The following AKAP8 variants were observed in gnomAD, a reference collection of about 807,000 sequenced individuals.
AKAP8 encodes the protein A-kinase anchor protein 8.
In AKAP8, 24 loss-of-function variants were observed where a neutral mutation model predicts 67.5. The ratio of observed to expected loss-of-function variants is 0.36; its 90% CI spans 0.26 to 0.50. The LOEUF (loss-of-function observed/expected upper bound fraction) is 0.50, where lower values mean the gene tolerates loss of function less well. Ranked by LOEUF, AKAP8 falls within the 20% of genes least tolerant of loss-of-function variation. AKAP8 has a pLI of 0.97. For missense variants in AKAP8, 971 were observed against 955.9 expected (o/e 1.02, Z -0.21); for synonymous variants, 400 against 371.1 (o/e 1.08, Z -0.90).
In AKAP8 at chr19:15,369,856, T is replaced by C. The variant is rs1252824687; in HGVS notation, c.1072+290A>G. ...GGGGCCTCTTCTCTCATGTTTCTCC[T>C]TCCCTACAAACTTCGACTGTGGTGG... On this transcript the variant is annotated intron_variant, in intron 8 of 13. Coordinates refer to ENST00000269701, the MANE Select transcript of AKAP8 (RefSeq NM_005858.4). This position sits in a 1 kb window ranked among gnomAD's most constrained non-coding sequence, Gnocchi z 4.6. 6.6e-6 allele frequency among the ~76,000 whole-genome samples: 1 copy of C among 152,214 alleles called. No individual in the cohort carries two copies. The highest frequency in any genetic ancestry group is 1.9e-4 in the East Asian group (1 of 5,202).
intron 13 of AKAP8, 104 bp from the exon 14 acceptor site, chr19:15,355,474 C>T: frequency 9.2e-7 from 1 of 1,091,442 alleles, no homozygotes; most frequent in Non-Finnish European, 1.3e-6. Context: ...ACAAGGGAAA[C>T]ACTTCTGTAA....
intron 10 of AKAP8, 40 bp from the exon 11 acceptor site, chr19:15,361,862 T>G (rs1052398147): frequency 1.3e-6 from 2 of 1,555,622 alleles, no homozygotes; most frequent in Admixed American, 1.7e-5. Context: ...AAATGAGAGG[T>G]GGGCGCATGT....
chr19:15,362,726 C>T (rs62113857), intron 9 of AKAP8, among the ~76,000 whole-genome samples: 10 of 150,998 alleles, frequency 6.6e-5, no homozygotes, highest in Admixed American at 2.0e-4. Flanking sequence ...ACCTCCCAGC[C>T]GCCTGCCTTG....
intron 13 of AKAP8, among the ~76,000 whole-genome samples, chr19:15,358,193 C>A (rs945526478): frequency 2.0e-5 from 3 of 152,096 alleles, no homozygotes; most frequent in Non-Finnish European, 4.4e-5. Context: ...CTCTTCCAAC[C>A]AGCCTTCTCT....
In AKAP8 at chr19:15,369,997, G is replaced by A. The variant is rs758190651; in HGVS notation, c.1072+149C>T. On this transcript the variant is annotated intron_variant, in intron 8 of 13. Coordinates refer to ENST00000269701, the MANE Select transcript of AKAP8 (RefSeq NM_005858.4). The surrounding 1 kb of genome is among the most constrained non-coding windows in gnomAD (Gnocchi z 4.6). ...AAGCAAAGTGTTGGCTGATCGCCACGGTCAAGGCCCATCTGGTGGCTGCAG... is the reference window on the plus strand; with the variant it reads ...AAGCAAAGTGTTGGCTGATCGCCACAGTCAAGGCCCATCTGGTGGCTGCAG... 1.3e-4 allele frequency: 121 copies of A among 908,104 alleles called. No individual in the cohort carries two copies. Among genetic ancestry groups the A allele is most frequent in the Non-Finnish European group, 1.8e-4 (101 of 567,192 alleles). The allele number at this position is 908,104 out of a possible 1,614,324, so 56.3% of individuals were successfully genotyped here. A position where few individuals can be genotyped will look rare whatever the true frequency, so the allele number is the denominator to read the frequency against.
At chr19:15,371,388 CT>C (rs1303105394) in intron 7 of AKAP8, among the ~76,000 whole-genome samples, 6 of 152,306 alleles carry the variant, frequency 3.9e-5, no homozygotes, top group African/African-American at 1.4e-4. Flanking sequence ...CCAGCCTGTG[CT>C]TGGAGGCTTC....
chr19:15,360,564 T>G (rs530492613), intron 12 of AKAP8, among the ~76,000 whole-genome samples: 1 of 152,306 alleles, frequency 6.6e-6, no homozygotes, highest in East Asian at 1.9e-4. Flanking sequence ...GGCCCTTCGG[T>G]CTCAGCTTAT....
rs1967206563 is a variant in AKAP8, at chr19:15,373,907, G to A, written c.250C>T (p.Pro84Ser). ...AGGGAGTCGGAATTGTCGGTGCATG[G>A]CTCTGGGCCGTAAGAGGCCATGTGC... ...AMHMASYGPE[P>S]CTDNSDSLIA... The change falls in exon 4 of 14, where the codon CCA (proline) becomes TCA (serine). Residue 84 changes from proline (P) to serine (S), a missense_variant. Physicochemically the swap from Pro to Ser is moderately conservative, Grantham distance 74. Coordinates refer to ENST00000269701, the MANE Select transcript of AKAP8 (RefSeq NM_005858.4). 6.2e-7 allele frequency: 1 copy of A among 1,613,652 alleles called. No homozygotes were observed. The highest frequency in any genetic ancestry group is 8.5e-7 in the Non-Finnish European group (1 of 1,179,970).
At chr19:15,365,742 G>A (rs1171914511) in intron 9 of AKAP8, among the ~76,000 whole-genome samples, 1 of 152,132 alleles carries the variant, frequency 6.6e-6, no homozygotes, top group Non-Finnish European at 1.5e-5. Context: ...CTCAGTCATG[G>A]CCAGGCGCGG....
chr19:15,378,419 T>C (rs1331631590), intron 1 of AKAP8, among the ~76,000 whole-genome samples: 1 of 151,966 alleles, frequency 6.6e-6, no homozygotes, highest in African/African-American at 2.4e-5. Flanking sequence ...TCTGAAAGGT[T>C]TTCGGCAGGT....
intron 9 of AKAP8, among the ~76,000 whole-genome samples, chr19:15,367,560 C>G (rs1321241999): frequency 1.3e-5 from 2 of 152,092 alleles, no homozygotes; most frequent in African/African-American, 4.8e-5. Flanking sequence ...AATCACTGTC[C>G]CATGTGAACC....
At chr19:15,364,003 G>C (rs186157690) in intron 9 of AKAP8, among the ~76,000 whole-genome samples, 2 of 148,944 alleles carry the variant, frequency 1.3e-5, no homozygotes, top group African/African-American at 5.0e-5. Context: ...AGTACCCAGG[G>C]ACACAAACAC....
chr19:15,373,076 G>A lies in AKAP8; in HGVS notation c.636C>T (p.Pro212=). 6.2e-7 allele frequency: 1 copy of A among 1,610,532 alleles called. No homozygotes were observed. Among genetic ancestry groups the A allele is most frequent in the Non-Finnish European group, 8.5e-7 (1 of 1,178,716 alleles). Residue 212 remains proline (P), a synonymous_variant, in exon 5 of 14, where the codon CCC becomes CCT. Coordinates refer to ENST00000269701, the MANE Select transcript of AKAP8 (RefSeq NM_005858.4). ...GTFMRSDPFV[P]PAASSEPLST... ...ACAGGGGCTCAGAGGACGCAGCGGG[G>A]GGCACGAAGGGGTCGCTGCGCATGA... is the stretch of plus-strand genomic sequence containing the variant.
intron 9 of AKAP8, among the ~76,000 whole-genome samples, chr19:15,364,799 T>C (rs890988925): frequency 6.6e-6 from 1 of 152,040 alleles, no homozygotes; most frequent in South Asian, 2.1e-4. Context: ...CTTTTCTTTT[T>C]CTCGAGATGA....
chr19:15,355,512 G>A, intron 13 of AKAP8, 142 bp from the exon 14 acceptor site: 1 of 801,508 alleles, frequency 1.2e-6, no homozygotes, highest in South Asian at 1.9e-5. Context: ...AATCCTACAT[G>A]TTCTCAGAGC....
Position 15,373,079 on chromosome 19 carries a change from C to A in AKAP8, c.633G>T (p.Val211=), listed in dbSNP as rs778397344. 4.3e-6 allele frequency: 7 copies of A among 1,610,800 alleles called. No homozygotes were observed. The South Asian group carries it at 6.6e-5, about 15-fold the overall frequency. The change falls in exon 5 of 14, where the codon GTG becomes GTT. Residue 211 remains valine, a synonymous_variant. Coordinates refer to ENST00000269701, the MANE Select transcript of AKAP8 (RefSeq NM_005858.4). Reference sequence around the variant, plus strand: ...GGGGCTCAGAGGACGCAGCGGGGGGCACGAAGGGGTCGCTGCGCATGAAGG... The same window carrying A: ...GGGGCTCAGAGGACGCAGCGGGGGGAACGAAGGGGTCGCTGCGCATGAAGG... ...PGTFMRSDPF[V]PPAASSEPLS...
At chr19:15,358,228 C>T (rs932923080) in intron 13 of AKAP8, among the ~76,000 whole-genome samples, 8 of 152,120 alleles carry the variant, frequency 5.3e-5, no homozygotes, top group Non-Finnish European at 2.9e-5. Context: ...TTTGGGACTT[C>T]GATATGCTGC....
rs773549065 is a variant in AKAP8, at chr19:15,355,255, T to C, written c.1739A>G (p.Glu580Gly). 1 of 1,612,504 alleles carries C rather than the reference T, an allele frequency of 6.2e-7. No homozygotes were observed. The highest frequency in any genetic ancestry group is 1.7e-5 in the Admixed American group (1 of 60,012). The change falls in exon 14 of 14, where the codon GAG becomes GGG. Residue 580 changes from glutamate to glycine, a missense_variant. Around this residue, in one of 3 missense-constraint regions of AKAP8, gnomAD observed 204 missense variants for 193.0 expected, o/e 1.06. Coordinates refer to ENST00000269701, the MANE Select transcript of AKAP8 (RefSeq NM_005858.4). ...GGCCCTCACTGCTGCTGTAATCACC[T>C]CTGCTAAGACGTCCGCGGCCACCTC... ...PEEVAADVLA[E>G]VITAAVRAVD...
chr19:15,379,509 C>A (rs1213948848), intron 1 of AKAP8: 23 of 515,170 alleles, frequency 4.5e-5, no homozygotes, highest in Non-Finnish European at 6.8e-5. Flanking sequence ...CGGGGCCTGG[C>A]GGCCAATCCG....
Sources: gnomAD v4.1 joint callset for allele counts (sites outside exome capture counted in the v4.1 genomes callset) on GRCh38, gnomAD v4.1.1 for gene constraint, gnomAD v4.1.1 regional missense constraint, Gnocchi (gnomAD v3.1) non-coding constraint, MANE v1.5 for transcripts, NCBI Gene and HGNC (gene_info 2026-07-23, HGNC 2026-07-21) for gene names.